Variants in DNASE2B observed in about 807,000 individuals in gnomAD.
The protein encoded by DNASE2B is deoxyribonuclease 2 beta, also known as deoxyribonuclease-2-beta.
Under a neutral mutation model 46.0 loss-of-function variants are expected in DNASE2B, and 43 were observed. That is an observed-to-expected ratio of 0.94 (90% confidence interval 0.73 to 1.21). The LOEUF (loss-of-function observed/expected upper bound fraction) is 1.21, where lower values mean the gene tolerates loss of function less well. Ranked by LOEUF, DNASE2B falls within the 50% of genes most tolerant of loss-of-function variation. The pLI is 0.00. For missense variants in DNASE2B, 395 were observed against 414.4 expected, an observed-to-expected ratio of 0.95 and a Z score of 0.41; for synonymous variants, 156 against 152.5, an observed-to-expected ratio of 1.02 and a Z score of -0.17.
chr1:84,401,785 C>A (rs180823875), intron 1 of DNASE2B, 116 bp from the exon 2 acceptor site: 1 of 762,378 alleles, frequency 1.3e-6, no homozygotes, highest in South Asian at 2.4e-5. Flanking sequence ...AAATCCCTTT[C>A]CTTAGAGGCC....
At chr1:84,407,826 T>A (rs549911834) in intron 2 of DNASE2B, among the ~76,000 whole-genome samples, 36 of 152,216 alleles carry the variant, frequency 2.4e-4, no homozygotes, top group African/African-American at 8.4e-4. Flanking sequence ...ATTTCACCAC[T>A]TTTTTTAAGC....
At chr1:84,408,876 T>C (rs1680540453) in intron 3 of DNASE2B, among the ~76,000 whole-genome samples, 1 of 151,898 alleles carries the variant, frequency 6.6e-6, no homozygotes, top group African/African-American at 2.4e-5. Context: ...GCATGTAGTA[T>C]ATATGTACAA....
chr1:84,401,269 T>C (rs1246385), intron 1 of DNASE2B, among the ~76,000 whole-genome samples: 150,025 of 152,278 alleles, frequency 0.99, 73,950 homozygotes, highest in East Asian at 1. Flanking sequence ...AATGATCGGC[T>C]GAAAATGTGA....
intron 1 of DNASE2B, among the ~76,000 whole-genome samples, chr1:84,400,410 A>T (rs1680384729): frequency 6.6e-6 from 1 of 152,158 alleles, no homozygotes; most frequent in African/African-American, 2.4e-5. Context: ...AAAGAAAGAA[A>T]TAATTTTAGG....
At chr1:84,403,278 T>C (rs604708) in intron 2 of DNASE2B, among the ~76,000 whole-genome samples, 144,161 of 152,280 alleles carry the variant, frequency 0.95, 68,362 homozygotes, top group East Asian at 1. Flanking sequence ...TAACAGCCTA[T>C]TGGATGCCTT....
chr1:84,414,792 G>T lies in DNASE2B; in HGVS notation c.1010G>T (p.Gly337Val), dbSNP rs777143916. 2 of 1,614,150 alleles carry T rather than the reference G, an allele frequency of 1.2e-6. No homozygotes were observed. Among genetic ancestry groups the T allele is most frequent in the Non-Finnish European group, 1.7e-6 (2 of 1,180,020 alleles). The change falls in exon 6 of 6, where the codon GGA becomes GTA. Residue 337 changes from glycine to valine, a missense_variant. Transcript: ENST00000370665. ...RSPHQAFRSG[G>V]FICTQNWQIY... ...CCACACCAAGCCTTCAGAAGTGGAG[G>T]ATTCATTTGTACCCAGAATTGGCAA... is the stretch of plus-strand genomic sequence containing the variant.
rs956345567 is a variant in DNASE2B, at chr1:84,408,465, A to G, written c.332A>G (p.Asn111Ser). 2.5e-6 allele frequency: 4 copies of G among 1,611,704 alleles called. No individual in the cohort carries two copies. The African/African-American group carries it at 4.0e-5, about 16-fold the overall frequency. The change falls in exon 3 of 6, where the codon AAT (asparagine) becomes AGT (serine). Residue 111 changes from asparagine (N) to serine (S), a missense_variant. Coordinates refer to ENST00000370665, the MANE Select transcript of DNASE2B (RefSeq NM_021233.3). ...KSNNTAYLIY[N>S]DGVPKPVNYS... Reference sequence around the variant, plus strand: ...AACAACACAGCCTATCTAATATACAATGATGGAGTCCCTAAACCTGTGAAT... The same window carrying G: ...AACAACACAGCCTATCTAATATACAGTGATGGAGTCCCTAAACCTGTGAAT...
rs1293072776 is a variant in DNASE2B at position 84,402,087 on chromosome 1, T to C, written c.303+9T>C. On this transcript the variant is annotated intron_variant, in intron 2 of 5. Transcript: ENST00000370665. Reference sequence around the variant, plus strand: ...AAGCATATGCCTCTAAGGTATGTTATATAGTTAATTGTTCACTTGAATAAT... The same window carrying C: ...AAGCATATGCCTCTAAGGTATGTTACATAGTTAATTGTTCACTTGAATAAT... 4.4e-6 allele frequency: 7 copies of C among 1,584,006 alleles called. No individual in the cohort carries two copies. Among genetic ancestry groups the C allele is most frequent in the South Asian group, 1.2e-5 (1 of 84,678 alleles).
At chr1:84,408,279 G>A (rs1680526074) in intron 2 of DNASE2B, 158 bp from the exon 3 acceptor site, 2 of 1,185,932 alleles carry the variant, frequency 1.7e-6, no homozygotes, top group South Asian at 5.6e-5. Context: ...CATGTCACAG[G>A]CTTCATATTG....
In DNASE2B at chr1:84,410,855, A is replaced by G. The variant is rs1251650732; in HGVS notation, c.403A>G (p.Arg135Gly). The stretch of plus-strand genomic sequence containing the variant: ...TTTGGTAGGTTTACTGCTGTGGAAC[A>G]GAGTTCAAGGGTTCTGGCTGATTCA... Reference protein sequence around the residue: ...GHTKGLLLWNRVQGFWLIHSI... With the variant: ...GHTKGLLLWNGVQGFWLIHSI... The change falls in exon 4 of 6, where the codon AGA (arginine) becomes GGA (glycine). Residue 135 changes from arginine to glycine, a missense_variant. Transcript: ENST00000370665. 1 of 1,613,276 alleles carries G rather than the reference A, an allele frequency of 6.2e-7. No individual in the cohort carries two copies. The highest frequency in any genetic ancestry group is 8.5e-7 in the Non-Finnish European group (1 of 1,179,658).
At position 84,401,897 on chromosome 1, in the gene DNASE2B, T is replaced by G. The variant is rs1036762507; in HGVS notation, c.126-4T>G. The G allele has an allele frequency of 6.0e-6, 9 of 1,493,514 alleles. No individual in the cohort carries two copies. In the African/African-American group the frequency reaches 1.2e-4, roughly 19 times the overall value. 92.5% of individuals were successfully genotyped at this position (1,493,514 alleles called of 1,614,324 possible). A position where few individuals can be genotyped will look rare whatever the true frequency, so the allele number is the denominator to read the frequency against. On this transcript the variant is annotated splice_region_variant and splice_polypyrimidine_tract_variant and intron_variant, in intron 1 of 5. Transcript: ENST00000370665. ...TAGTAATTCATAATCATTTTGTCTG[T>G]TAGGTTTACTTTTTATAAGTTACCT...
chr1:84,402,954 A>G (rs143035635), intron 2 of DNASE2B, among the ~76,000 whole-genome samples: 149 of 152,348 alleles, frequency 9.8e-4, no homozygotes, highest in East Asian at 4.0e-3. Flanking sequence ...CTGGCACTGC[A>G]CATGTGTATC....
intron 2 of DNASE2B, among the ~76,000 whole-genome samples, chr1:84,407,387 T>C (rs1422103954): frequency 6.6e-6 from 1 of 151,992 alleles, no homozygotes; most frequent in Non-Finnish European, 1.5e-5. Flanking sequence ...TTATGGAAAA[T>C]GAAGGTAAGA....
intron 4 of DNASE2B, among the ~76,000 whole-genome samples, chr1:84,411,853 G>A (rs907606660): frequency 1.3e-5 from 2 of 152,144 alleles, no homozygotes; most frequent in Admixed American, 6.5e-5. Context: ...GAATATCACA[G>A]AGATTAGGCA....
rs1680348848 is a variant in DNASE2B at position 84,398,705 on chromosome 1, G to A, written c.125+16G>A. ...CTGTGGACTGGTAGGTAAATGAAAT[G>A]GAAGGACTGCTGCATGCAAACAGCC... On this transcript the variant is annotated intron_variant, in intron 1 of 5. Transcript: ENST00000370665. 1 of 1,613,294 alleles carries A rather than the reference G, an allele frequency of 6.2e-7. No homozygotes were observed. The highest frequency in any genetic ancestry group is 8.5e-7 in the Non-Finnish European group (1 of 1,179,480).
At chr1:84,404,196 C>T (rs1410785967) in intron 2 of DNASE2B, among the ~76,000 whole-genome samples, 1 of 152,142 alleles carries the variant, frequency 6.6e-6, no homozygotes, top group Non-Finnish European at 1.5e-5. Flanking sequence ...TCATCTGGCT[C>T]TGGTTCCATT....
intron 5 of DNASE2B, among the ~76,000 whole-genome samples, chr1:84,413,333 G>C (rs139998954): frequency 3.3e-5 from 5 of 152,196 alleles, no homozygotes; most frequent in African/African-American, 9.6e-5. Context: ...TGTCTTAGAT[G>C]ACCTCACTGT....
intron 2 of DNASE2B, among the ~76,000 whole-genome samples, chr1:84,404,654 C>T (rs1330708725): frequency 1.3e-5 from 2 of 152,152 alleles, no homozygotes; most frequent in South Asian, 4.1e-4. Flanking sequence ...TTTTAGTGCC[C>T]GGTGGCACTA....
chr1:84,411,866 C>T (rs1229918474), intron 4 of DNASE2B, among the ~76,000 whole-genome samples: 1 of 152,116 alleles, frequency 6.6e-6, no homozygotes, highest in East Asian at 1.9e-4. Flanking sequence ...ATTAGGCATG[C>T]ACACTGAGGA....
Sources: allele counts gnomAD v4.1 joint callset (sites outside exome capture counted in the v4.1 genomes callset), GRCh38; gene constraint gnomAD v4.1.1; transcripts MANE v1.5; gene names NCBI Gene and HGNC (gene_info 2026-07-23, HGNC 2026-07-21).